Variants in IQSEC3 observed in about 807,000 individuals in gnomAD.
IQSEC3 encodes IQ motif and SEC7 domain-containing protein 3.
Under a neutral mutation model 105.4 loss-of-function variants are expected in IQSEC3, and 50 were observed. That is an observed-to-expected ratio of 0.47 (90% CI 0.38 to 0.60). IQSEC3 has a LOEUF of 0.60. IQSEC3 is among the 20% of genes least tolerant of loss of function. The pLI is 0.00. For synonymous variants in IQSEC3, 708 were observed against 746.0 expected, an observed-to-expected ratio of 0.95 and a Z score of 0.83; for missense variants, 1,415 against 1,630.0, an observed-to-expected ratio of 0.87 and a Z score of 2.27.
Position 165,647 on chromosome 12 carries a change from G to A in IQSEC3, c.2810-82G>A, listed in dbSNP as rs368994548. The A allele has an allele frequency of 3.7e-5, 59 of 1,578,614 alleles. No individual in the cohort carries two copies. In the East Asian group the frequency reaches 3.8e-4, roughly 10 times the overall value. ...AGAGTGGGTGGAGGCATGAGACCCC[G>A]TGCCCTCCTCATGTCTGGCTGGCTC... On this transcript the variant is annotated intron_variant, in intron 10 of 13. Transcript: ENST00000538872.
intron 1 of IQSEC3, among the ~76,000 whole-genome samples, chr12:74,007 C>A (rs1362600085): frequency 6.6e-6 from 1 of 152,256 alleles, no homozygotes; most frequent in Non-Finnish European, 1.5e-5. Flanking sequence ...TTAAGGATAT[C>A]AAAGAGATCT....
At chr12:171,521 T>G in intron 13 of IQSEC3, 1 of 602,472 alleles carries the variant, frequency 1.7e-6, no homozygotes. Context: ...CCCCCAGTAC[T>G]TGCTGTATCA....
At chr12:102,367 G>A (rs782522452) in intron 2 of IQSEC3, among the ~76,000 whole-genome samples, 24 of 152,320 alleles carry the variant, frequency 1.6e-4, no homozygotes, top group Admixed American at 3.9e-4. Context: ...GACCTTTGTT[G>A]TGTGGACTCA....
chr12:171,341 C>A (rs374964373), intron 13 of IQSEC3, 180 bp downstream of exon 13: 269 of 1,609,252 alleles, frequency 1.7e-4, no homozygotes, highest in Non-Finnish European at 2.1e-4. Flanking sequence ...TGCCACTGTT[C>A]CAGCGCCTAA....
In IQSEC3 at chr12:138,526, C is replaced by G; in HGVS notation, c.1163C>G (p.Pro388Arg). ...GLPLVRSPSL[P>R]PTFAGTLTEL... Reference sequence around the variant, plus strand: ...CCGCTGGTGCGCTCGCCCTCCCTGCCGCCCACCTTCGCAGGCACCCTCACC... The same window carrying G: ...CCGCTGGTGCGCTCGCCCTCCCTGCGGCCCACCTTCGCAGGCACCCTCACC... Residue 388 changes from proline (P) to arginine (R), a missense_variant, in exon 4 of 14, where the codon CCG (proline) becomes CGG (arginine). By Grantham distance (103) the Pro-to-Arg change is moderately radical. Coordinates refer to ENST00000538872, the MANE Select transcript of IQSEC3 (RefSeq NM_001170738.2). The surrounding 1 kb of genome is among the most constrained non-coding windows in gnomAD (Gnocchi z 7.1). 6.3e-7 allele frequency: 1 copy of G among 1,576,746 alleles called. No homozygotes were observed. Among genetic ancestry groups the G allele is most frequent in the South Asian group, 1.1e-5 (1 of 87,868 alleles).
chr12:127,573 GA>G lies in IQSEC3; in HGVS notation c.903+1672del, dbSNP rs782684462. ...ATCAGGACAGAAGGATGGTTTTAAT[GA>G]AAAAAAAAAAGTCGGATGAAATGTG... On this transcript the variant is annotated intron_variant, in intron 3 of 13. Coordinates refer to ENST00000538872, the MANE Select transcript of IQSEC3 (RefSeq NM_001170738.2). Among the ~76,000 whole-genome samples the G allele has an allele frequency of 4.1e-3, 591 of 145,118 alleles. 4 individuals carry two copies. The highest frequency in any genetic ancestry group is 0.013 in the African/African-American group (514 of 40,004).
At chr12:77,171 G>A (rs1185097080) in intron 1 of IQSEC3, among the ~76,000 whole-genome samples, 1 of 152,256 alleles carries the variant, frequency 6.6e-6, no homozygotes, top group Non-Finnish European at 1.5e-5. Flanking sequence ...TGGCATCTCC[G>A]ACAGTCTTGA....
chr12:168,261 A>G (rs1358934784), intron 11 of IQSEC3, among the ~76,000 whole-genome samples: 2 of 152,196 alleles, frequency 1.3e-5, no homozygotes, highest in Non-Finnish European at 2.9e-5. Flanking sequence ...ATCCAGTGAG[A>G]GGAATTAAAG....
intron 1 of IQSEC3, among the ~76,000 whole-genome samples, chr12:84,633 G>T (rs1198735523): frequency 1.3e-5 from 2 of 152,212 alleles, no homozygotes; most frequent in Middle Eastern, 3.2e-3. Context: ...AGAGGTACGG[G>T]TGTATGTTTG....
intron 3 of IQSEC3, among the ~76,000 whole-genome samples, chr12:136,812 C>G (rs566399159): frequency 6.2e-4 from 94 of 151,906 alleles, no homozygotes; most frequent in African/African-American, 2.2e-3. Flanking sequence ...ATCACCTTCA[C>G]ACAGGCCTTG....
intron 1 of IQSEC3, among the ~76,000 whole-genome samples, chr12:83,907 T>C (rs1863833735): frequency 6.6e-6 from 1 of 152,170 alleles, no homozygotes; most frequent in Admixed American, 6.5e-5. Flanking sequence ...TTGCTGTGCA[T>C]TTGTTATCTC....
At chr12:142,767 T>C (rs1555089687) in intron 5 of IQSEC3, 1 of 152,252 alleles carries the variant, frequency 6.6e-6, no homozygotes. Flanking sequence ...CCAGGATACA[T>C]CTAGGTTGCA....
At chr12:74,963 T>A (rs1555068616) in intron 1 of IQSEC3, among the ~76,000 whole-genome samples, 1 of 152,274 alleles carries the variant, frequency 6.6e-6, no homozygotes, top group Non-Finnish European at 1.5e-5. Context: ...TCAGGGCTGC[T>A]TCACAGGTGT....
At chr12:131,634 G>T (rs1351351280) in intron 3 of IQSEC3, among the ~76,000 whole-genome samples, 1 of 152,216 alleles carries the variant, frequency 6.6e-6, no homozygotes, top group African/African-American at 2.4e-5. Flanking sequence ...TCAGCCACAG[G>T]TCTGGCACAG....
intron 12 of IQSEC3, among the ~76,000 whole-genome samples, chr12:169,639 G>A (rs1196104835): frequency 6.6e-6 from 1 of 152,134 alleles, no homozygotes; most frequent in Non-Finnish European, 1.5e-5. Flanking sequence ...CTTCTCTAGT[G>A]GTTTCTCCAG....
intron 7 of IQSEC3, among the ~76,000 whole-genome samples, chr12:158,573 C>G (rs1319003933): frequency 6.6e-6 from 1 of 152,218 alleles, no homozygotes; most frequent in Non-Finnish European, 1.5e-5. Flanking sequence ...AACTATTCTG[C>G]CTTTTATCAC....
chr12:85,502 TG>T (rs1257886919), intron 1 of IQSEC3, among the ~76,000 whole-genome samples: 3 of 152,266 alleles, frequency 2.0e-5, no homozygotes, highest in South Asian at 4.1e-4. Context: ...GGCCTCAAGC[TG>T]GGCAACTAAA....
intron 11 of IQSEC3, among the ~76,000 whole-genome samples, chr12:168,380 GCCAGGCAGGCTCTGTCCTC>G (rs1162433340): frequency 5.9e-5 from 9 of 152,072 alleles, no homozygotes; most frequent in East Asian, 3.9e-4. Context: ...GGCTCAGCTG[GCCAGGCAGGCTCTGTCCTC>G]CCAGGCAGGC....
chr12:153,255 C>A (rs191356443), intron 5 of IQSEC3, among the ~76,000 whole-genome samples: 3 of 152,222 alleles, frequency 2.0e-5, no homozygotes, highest in African/African-American at 7.2e-5. Context: ...CCCCCAGCCA[C>A]CTTCCCCAGG....
Sources: gnomAD v4.1 joint callset for allele counts (sites outside exome capture counted in the v4.1 genomes callset) on GRCh38, gnomAD v4.1.1 for gene constraint, Gnocchi (gnomAD v3.1) non-coding constraint, MANE v1.5 for transcripts, NCBI Gene and HGNC (gene_info 2026-07-23, HGNC 2026-07-21) for gene names.